Variants in GREB1 observed in about 807,000 individuals in gnomAD.
GREB1 encodes growth regulating estrogen receptor binding 1.
In GREB1, 106 loss-of-function variants were observed where a neutral mutation model predicts 200.7. That is an observed-to-expected ratio of 0.53 (90% CI 0.45 to 0.62). GREB1 has a LOEUF of 0.62. Ranked by LOEUF, GREB1 falls within the 20% of genes least tolerant of loss-of-function variation. GREB1 has a pLI of 0.00. For synonymous variants in GREB1, 1,132 were observed against 1,092.4 expected (o/e 1.04, Z -0.72); for missense variants, 2,243 against 2,556.8 (o/e 0.88, Z 2.65).
chr2:11,500,873 G>C (rs543148162), intron 1 of GREB1, among the ~76,000 whole-genome samples: 1 of 152,330 alleles, frequency 6.6e-6, no homozygotes, highest in East Asian at 1.9e-4. Context: ...AGGAATGGCA[G>C]AAGAAACGAA....
At chr2:11,581,258 C>T (rs975661343) in intron 7 of GREB1, 16 of 526,086 alleles carry the variant, frequency 3.0e-5, no homozygotes, top group African/African-American at 2.7e-4. Flanking sequence ...AATGTTTCTT[C>T]ATCTGGAGAT....
Position 11,580,040 on chromosome 2 carries a change from C to T in GREB1, c.773-664C>T, listed in dbSNP as rs964662103. On this transcript the variant is annotated intron_variant, in intron 6 of 32. Coordinates refer to ENST00000381486, the MANE Select transcript of GREB1 (RefSeq NM_014668.4). The surrounding 1 kb of genome is among the most constrained non-coding windows in gnomAD (Gnocchi z 4.5). ...AAAAGGCAAAGGAGAAGCAAAGGCACGTCTTACATGATGGCAGTCAAGAGA... is the reference window on the plus strand; with the variant it reads ...AAAAGGCAAAGGAGAAGCAAAGGCATGTCTTACATGATGGCAGTCAAGAGA... Among the ~76,000 whole-genome samples, 2 of 152,168 alleles carry T rather than the reference C, an allele frequency of 1.3e-5. No homozygotes were observed. Among genetic ancestry groups the T allele is most frequent in the Admixed American group, 6.5e-5 (1 of 15,282 alleles).
intron 10 of GREB1, among the ~76,000 whole-genome samples, chr2:11,589,905 C>T (rs546303271): frequency 2.1e-4 from 32 of 152,086 alleles, no homozygotes; most frequent in Non-Finnish European, 4.0e-4. Flanking sequence ...AAGATGCCCA[C>T]GAGACAGTCA....
At chr2:11,588,612 C>T in intron 9 of GREB1, 134 bp from the exon 10 acceptor site, 2 of 831,688 alleles carry the variant, frequency 2.4e-6, no homozygotes, top group Non-Finnish European at 4.2e-6. Flanking sequence ...CAAGGCTTCC[C>T]AGGACAGGGC....
intron 3 of GREB1, among the ~76,000 whole-genome samples, chr2:11,564,023 T>A (rs765384688): frequency 2.6e-5 from 4 of 152,002 alleles, no homozygotes; most frequent in Non-Finnish European, 5.9e-5. Flanking sequence ...TTAGTACGAG[T>A]CAGCCAGGAG....
intron 15 of GREB1, among the ~76,000 whole-genome samples, chr2:11,600,050 C>T (rs548372838): frequency 3.3e-5 from 5 of 152,268 alleles, no homozygotes; most frequent in East Asian, 3.9e-4. Flanking sequence ...CTTTGATTGT[C>T]GCAGATCCAC....
upstream of GREB1, among the ~76,000 whole-genome samples, chr2:11,531,371 G>C (rs78002857): frequency 0.034 from 5,241 of 152,182 alleles, 322 homozygotes; most frequent in African/African-American, 0.12. Flanking sequence ...CCTTTCATCT[G>C]TTCCACGTTG....
rs764748651 is a variant in GREB1, at chr2:11,525,496, C to CAAAA, written c.-158-30943_-158-30940dup. Among the ~76,000 whole-genome samples the CAAAA allele has an allele frequency of 2.6e-4, 13 of 50,058 alleles. 2 individuals are homozygous for CAAAA. The highest frequency in any genetic ancestry group is 5.6e-4 in the African/African-American group (9 of 15,958). 32.8% of individuals were successfully genotyped at this position (50,058 alleles called of 152,430 possible). On this transcript the variant is annotated intron_variant, in intron 1 of 2. Coordinates refer to the GREB1 transcript ENST00000628795. ...TGGGTGACAGAGGGAGACTCCATCT[C>CAAAA]AAAAAAAAAAAAAAAAAAAAAGGCA... is the stretch of plus-strand genomic sequence containing the variant.
At chr2:11,484,174 C>G (rs910000624) in intron 1 of GREB1, among the ~76,000 whole-genome samples, 1 of 152,192 alleles carries the variant, frequency 6.6e-6, no homozygotes, top group Admixed American at 6.5e-5. Flanking sequence ...TCTTAAATCT[C>G]TGGGCAGATT....
At position 11,601,006 on chromosome 2, in the gene GREB1, CG is replaced by C. The variant is rs761567974; in HGVS notation, c.2529+15del. 1 of 1,601,450 alleles carries C rather than the reference CG, an allele frequency of 6.2e-7. No individual in the cohort carries two copies. On this transcript the variant is annotated intron_variant, in intron 16 of 32. Coordinates refer to ENST00000381486, the MANE Select transcript of GREB1 (RefSeq NM_014668.4). ...GCCTCCTGCAGTAATGTGAGTGCCA[CG>C]GGGCTGCTGGGCCCTTGTGTAGCAA...
At chr2:11,508,116 G>T (rs1006759362) in intron 1 of GREB1, among the ~76,000 whole-genome samples, 10 of 152,152 alleles carry the variant, frequency 6.6e-5, no homozygotes, top group Non-Finnish European at 1.5e-4. Flanking sequence ...TCTGAGAGAA[G>T]GAGAAACAGA....
In GREB1 at chr2:11,637,731, G is replaced by C. The variant is rs1286174647; in HGVS notation, c.5362G>C (p.Ala1788Pro). The C allele has an allele frequency of 6.2e-7, 1 of 1,613,128 alleles. No individual in the cohort carries two copies. ...HITSKVSDNS[A>P]AVVPAQYICA... is the part of the protein sequence containing the mutation. ...TCCCGTGCAGGTGTCTGATAACTCT[G>C]CCGCGGTCGTGCCGGCCCAGTACAT... The change falls in exon 31 of 33, where the codon GCC (alanine) becomes CCC (proline). Residue 1788 changes from alanine (A) to proline (P), a missense_variant. Physicochemically the swap from Ala to Pro is conservative, Grantham distance 27 (BLOSUM62 -1). Coordinates refer to ENST00000381486, the MANE Select transcript of GREB1 (RefSeq NM_014668.4).
intron 23 of GREB1, among the ~76,000 whole-genome samples, chr2:11,622,259 T>C (rs1436781557): frequency 3.9e-5 from 6 of 152,148 alleles, no homozygotes; most frequent in African/African-American, 1.4e-4. Flanking sequence ...TTTTGTATTT[T>C]TAGTATAGAC....
intron 1 of GREB1, among the ~76,000 whole-genome samples, chr2:11,545,764 G>A (rs553021989): frequency 3.3e-5 from 5 of 152,326 alleles, no homozygotes; most frequent in Admixed American, 2.6e-4. Flanking sequence ...TTTTAGGACT[G>A]TGATGAAGAT....
At chr2:11,599,484 C>T (rs1415765492) in intron 15 of GREB1, among the ~76,000 whole-genome samples, 1 of 150,988 alleles carries the variant, frequency 6.6e-6, no homozygotes, top group African/African-American at 2.4e-5. Flanking sequence ...GGACTACAGG[C>T]ACCTGTCTCC....
rs1673368710 is a variant in GREB1 at position 11,512,093 on chromosome 2, T to TA, written c.-159+29713dup. ...TTATATTCAGAAACAGTGCTGGAAATACATTAAAACAATTGACATGAAATT... is the reference window on the plus strand; with the variant it reads ...TTATATTCAGAAACAGTGCTGGAAATAACATTAAAACAATTGACATGAAATT... On this transcript the variant is annotated intron_variant, in intron 1 of 2. Transcript: ENST00000628795. 2.6e-5 allele frequency among the ~76,000 whole-genome samples: 4 copies of TA among 152,334 alleles called. No individual in the cohort carries two copies. The South Asian group carries it at 6.2e-4, about 24-fold the overall frequency.
chr2:11,590,530 G>T (rs1217312438), intron 10 of GREB1, among the ~76,000 whole-genome samples: 1 of 152,164 alleles, frequency 6.6e-6, no homozygotes, highest in Non-Finnish European at 1.5e-5. Flanking sequence ...TGTGTGGCTT[G>T]CTCCCTTATG....
chr2:11,555,140 C>T (rs2147861270), intron 1 of GREB1, among the ~76,000 whole-genome samples: 1 of 152,128 alleles, frequency 6.6e-6, no homozygotes, highest in Admixed American at 6.5e-5. Flanking sequence ...AATAAAGTAA[C>T]TATTTTGAAA....
At chr2:11,536,326 G>A (rs116312823) in intron 1 of GREB1, among the ~76,000 whole-genome samples, 4 of 152,170 alleles carry the variant, frequency 2.6e-5, no homozygotes, top group Non-Finnish European at 5.9e-5. Context: ...CACCAACCCC[G>A]CATGATTTGT....
Sources: allele counts gnomAD v4.1 joint callset (sites outside exome capture counted in the v4.1 genomes callset), GRCh38; gene constraint gnomAD v4.1.1; non-coding constraint Gnocchi (gnomAD v3.1); transcripts MANE v1.5; gene names NCBI Gene and HGNC (gene_info 2026-07-23, HGNC 2026-07-21).